CPSF7: variants seen among roughly 807,000 people sequenced by gnomAD.
CPSF7 encodes cleavage and polyadenylation specific factor 7, also known as cleavage and polyadenylation specificity factor subunit 7.
A neutral mutation model predicts 44.3 loss-of-function variants in CPSF7; 1 was observed. The observed-to-expected ratio is 0.02, with a 90% CI of 0.01 to 0.11. The LOEUF (loss-of-function observed/expected upper bound fraction) is 0.11, where lower values mean the gene tolerates loss of function less well. Among genes scored for constraint, CPSF7 ranks in the 10% least tolerant of loss-of-function variants. The pLI, the probability that CPSF7 is intolerant of heterozygous loss-of-function variation, is 1.00. For synonymous variants in CPSF7, 202 were observed against 222.0 expected, an observed-to-expected ratio of 0.91 and a Z score of 0.80; for missense variants, 443 against 607.2, an observed-to-expected ratio of 0.73 and a Z score of 2.84.
rs770874851 is a variant in CPSF7, at chr11:61,416,491, A to C, written c.552T>G (p.Asp184Glu). The change falls in exon 6 of 10, where the codon GAT (aspartate) becomes GAG (glutamate). Residue 184 changes from aspartate (D) to glutamate (E), a missense_variant. Physicochemically the swap from Asp to Glu is conservative, Grantham distance 45. Coordinates refer to ENST00000439958, the MANE Select transcript of CPSF7 (RefSeq NM_001142565.3). ...CCCGTCCATCAGCAGAATCACTAGA[A>C]TCTCGGGAATGGGCCCGTGGAGGTA... The part of the protein sequence containing the change: ...KRIPPRAHSR[D>E]SSDSADGRAT... 2 of 1,614,030 alleles carry C rather than the reference A, an allele frequency of 1.2e-6. No individual in the cohort carries two copies. Among genetic ancestry groups the C allele is most frequent in the South Asian group, 1.1e-5 (1 of 91,092 alleles).
intron 3 of CPSF7, chr11:61,420,967 A>C: frequency 2.5e-6 from 2 of 798,154 alleles, no homozygotes; most frequent in Non-Finnish European, 3.8e-6. Flanking sequence ...CCAGCCCCAA[A>C]ACATCACAAA....
chr11:61,420,384 G>C, intron 4 of CPSF7, 86 bp downstream of exon 4: 1 of 1,244,150 alleles, frequency 8.0e-7, no homozygotes, highest in Non-Finnish European at 1.2e-6. Context: ...GGGTGGGAGT[G>C]ATTAAAATCC....
At chr11:61,429,075 C>T (rs1005705435) in intron 2 of CPSF7, 107 bp downstream of exon 2, 9 of 656,518 alleles carry the variant, frequency 1.4e-5, no homozygotes, top group South Asian at 3.5e-5. Flanking sequence ...ACCGGATAGA[C>T]GCGTGTTCAA....
intron 9 of CPSF7, among the ~76,000 whole-genome samples, chr11:61,405,327 C>A (rs1859207741): frequency 6.6e-6 from 1 of 152,134 alleles, no homozygotes. Context: ...ACAAACACAG[C>A]CCCAGAGGTT....
chr11:61,404,977 T>A (rs999682161), intron 9 of CPSF7, among the ~76,000 whole-genome samples: 3 of 152,010 alleles, frequency 2.0e-5, no homozygotes, highest in Non-Finnish European at 2.9e-5. Flanking sequence ...CAAAATGAGG[T>A]CTCTGAACGT....
At chr11:61,419,112 T>A (rs1860614827) in intron 5 of CPSF7, among the ~76,000 whole-genome samples, 1 of 152,106 alleles carries the variant, frequency 6.6e-6, no homozygotes, top group South Asian at 2.1e-4. Flanking sequence ...AACCTCCGTC[T>A]CCCGGGGTCA....
chr11:61,409,211 C>T (rs552971031), intron 9 of CPSF7, among the ~76,000 whole-genome samples: 2 of 151,996 alleles, frequency 1.3e-5, no homozygotes, highest in South Asian at 2.1e-4. Context: ...CGGTGGCTCA[C>T]GCCTGTAATC....
At chr11:61,411,182 T>C (rs1222846089) in intron 8 of CPSF7, 77 bp from the exon 9 acceptor site, 14 of 1,442,636 alleles carry the variant, frequency 9.7e-6, no homozygotes, top group East Asian at 4.6e-5. Flanking sequence ...TGGTGTCTTC[T>C]GATATTTGCC....
chr11:61,415,038 A>C (rs1590694681), intron 7 of CPSF7, among the ~76,000 whole-genome samples: 1 of 152,178 alleles, frequency 6.6e-6, no homozygotes, highest in Non-Finnish European at 1.5e-5. Flanking sequence ...GGAGTTCAAG[A>C]CCATCCTGGC....
At position 61,404,247 on chromosome 11, in the gene CPSF7, T is replaced by C. The variant is rs1347541592; in HGVS notation, c.*463A>G. On this transcript the variant is annotated 3_prime_UTR_variant, in exon 10 of 10. Transcript: ENST00000439958. ...AGGGGTTTGGACCCTCTTGGCCCCA[T>C]TAAATCTAGTGCTGAGGGCAGGACC... 2.6e-5 allele frequency: 4 copies of C among 152,578 alleles called. No homozygotes were observed. Among genetic ancestry groups the C allele is most frequent in the Non-Finnish European group, 4.4e-5 (3 of 68,044 alleles). The allele number at this position is 152,578 out of a possible 1,614,324, so 9.5% of individuals were successfully genotyped here.
At chr11:61,417,466 G>C (rs1384406055) in intron 5 of CPSF7, among the ~76,000 whole-genome samples, 1 of 152,200 alleles carries the variant, frequency 6.6e-6, no homozygotes, top group East Asian at 1.9e-4. Context: ...TCCAATAGAA[G>C]AACAAGATCA....
rs769756516 is a variant in CPSF7, at chr11:61,429,266, G to A, written c.-31C>T. The A allele has an allele frequency of 8.7e-6, 14 of 1,612,430 alleles. No homozygotes were observed. The highest frequency in any genetic ancestry group is 2.7e-5 in the African/African-American group (2 of 74,898). On this transcript the variant is annotated 5_prime_UTR_variant, in exon 2 of 10. Coordinates refer to ENST00000439958, the MANE Select transcript of CPSF7 (RefSeq NM_001142565.3). The stretch of plus-strand genomic sequence containing the variant: ...CGGAAGGAAGATCGCGAGTCCGGAG[G>A]ATGGACAAAGTAAGGAAGATGCCAC...
rs868803335 is a variant in CPSF7, at chr11:61,413,049, G to C, written c.1058-1112C>G. Among the ~76,000 whole-genome samples, 4 of 152,094 alleles carry C rather than the reference G, an allele frequency of 2.6e-5. No homozygotes were observed. The South Asian group carries it at 8.3e-4, about 32-fold the overall frequency. On this transcript the variant is annotated intron_variant, in intron 7 of 9. Coordinates refer to ENST00000439958, the MANE Select transcript of CPSF7 (RefSeq NM_001142565.3). ...AGCTCACTGCATCCTTGAACTCCTG[G>C]GCTCAAGCCATCCTCCTGCATGCCA...
intron 9 of CPSF7, 51 bp downstream of exon 9, chr11:61,410,887 C>G: frequency 4.2e-5 from 64 of 1,509,968 alleles, no homozygotes; most frequent in Non-Finnish European, 5.3e-5. Context: ...CACTATAAAT[C>G]TTTTTTTAAT....
intron 9 of CPSF7, among the ~76,000 whole-genome samples, chr11:61,408,534 A>C (rs1859539517): frequency 6.6e-6 from 1 of 152,158 alleles, no homozygotes; most frequent in African/African-American, 2.4e-5. Context: ...GCCTCCAAGA[A>C]CTACAGACAG....
intron 2 of CPSF7, 59 bp downstream of exon 2, chr11:61,429,123 G>T: frequency 9.9e-7 from 1 of 1,008,650 alleles, no homozygotes; most frequent in Non-Finnish European, 1.6e-6. Context: ...CTGCCAGTTT[G>T]CTGAAAATGA....
chr11:61,414,218 C>T (rs540313982), intron 7 of CPSF7, among the ~76,000 whole-genome samples: 3 of 144,914 alleles, frequency 2.1e-5, no homozygotes, highest in East Asian at 4.0e-4. Context: ...GGCACAATCT[C>T]GGCTCACCAC....
chr11:61,426,984 T>TG (rs1861419021), intron 2 of CPSF7: 2 of 125,418 alleles, frequency 1.6e-5, no homozygotes, highest in Admixed American at 1.0e-4. Context: ...GCCAAGATGG[T>TG]GCCACTGCTC....
At chr11:61,406,369 C>A (rs775455641) in intron 9 of CPSF7, among the ~76,000 whole-genome samples, 1 of 152,208 alleles carries the variant, frequency 6.6e-6, no homozygotes, top group Non-Finnish European at 1.5e-5. Flanking sequence ...AAATATGATT[C>A]ATTTCTAACT....
Sources: allele counts gnomAD v4.1 joint callset (sites outside exome capture counted in the v4.1 genomes callset), GRCh38; gene constraint gnomAD v4.1.1; transcripts MANE v1.5; gene names NCBI Gene and HGNC (gene_info 2026-07-23, HGNC 2026-07-21).